Variants in LHPP observed in about 807,000 individuals in gnomAD.
LHPP encodes the protein hLHPP.
LHPP carries 24 observed loss-of-function variants against 30.3 expected under a neutral mutation model. The ratio of observed to expected loss-of-function variants is 0.79; its 90% CI spans 0.57 to 1.11. The LOEUF (loss-of-function observed/expected upper bound fraction) is 1.11. LHPP is among the 50% of genes most tolerant of loss of function. The pLI, the probability that LHPP is intolerant of heterozygous loss-of-function variation, is 0.00. For missense variants in LHPP, 356 were observed against 367.2 expected (o/e 0.97, Z 0.25); for synonymous variants, 150 against 157.1 (o/e 0.95, Z 0.34).
intron 6 of LHPP, among the ~76,000 whole-genome samples, chr10:124,547,158 C>T (rs1010686235): frequency 3.9e-5 from 6 of 152,142 alleles, no homozygotes; most frequent in African/African-American, 7.2e-5. Flanking sequence ...TCTAAGTCAC[C>T]GGCAGAAGCA....
chr10:124,500,292 G>A (rs925482380), intron 5 of LHPP, among the ~76,000 whole-genome samples: 3 of 151,836 alleles, frequency 2.0e-5, no homozygotes, highest in Non-Finnish European at 2.9e-5. Flanking sequence ...GGCCAACATG[G>A]TGAAACCCCG....
At chr10:124,520,938 G>T (rs1954595208) in intron 6 of LHPP, among the ~76,000 whole-genome samples, 1 of 152,246 alleles carries the variant, frequency 6.6e-6, no homozygotes, top group Admixed American at 6.5e-5. Flanking sequence ...TTGAAATGCT[G>T]ATATTTCGTG....
At chr10:124,568,951 C>CA (rs539801355) in intron 6 of LHPP, among the ~76,000 whole-genome samples, 3 of 152,244 alleles carry the variant, frequency 2.0e-5, no homozygotes, top group East Asian at 3.9e-4. Context: ...TTCTGTCCCC[C>CA]CCACGGCTCC....
At chr10:124,524,585 T>C (rs1199085763) in intron 6 of LHPP, among the ~76,000 whole-genome samples, 3 of 152,192 alleles carry the variant, frequency 2.0e-5, no homozygotes, top group African/African-American at 7.2e-5. Flanking sequence ...CCTTATGTCA[T>C]ACTTTCATTT....
chr10:124,489,512 C>T (rs558845320), intron 3 of LHPP, among the ~76,000 whole-genome samples: 29 of 152,188 alleles, frequency 1.9e-4, no homozygotes, highest in South Asian at 1.2e-3. Context: ...TGGAGTGCAG[C>T]GGCGTGATCT....
chr10:124,470,687 T>C (rs548956665), intron 1 of LHPP, among the ~76,000 whole-genome samples: 9 of 123,226 alleles, frequency 7.3e-5, no homozygotes, highest in African/African-American at 1.6e-4. Context: ...ACAACAATAA[T>C]AATAATGTAG....
At chr10:124,582,868 A>G (rs1564841345) in intron 6 of LHPP, among the ~76,000 whole-genome samples, 1 of 151,862 alleles carries the variant, frequency 6.6e-6, no homozygotes, top group Non-Finnish European at 1.5e-5. Flanking sequence ...AGAAGAAAAT[A>G]TATTTACTGT....
chr10:124,479,321 T>C (rs989294939), intron 1 of LHPP, among the ~76,000 whole-genome samples: 3 of 152,220 alleles, frequency 2.0e-5, no homozygotes, highest in African/African-American at 7.2e-5. Flanking sequence ...CAAGCCTTGC[T>C]GGGGTCCTGG....
chr10:124,500,734 A>G (rs1953874913), intron 5 of LHPP, among the ~76,000 whole-genome samples: 1 of 151,922 alleles, frequency 6.6e-6, no homozygotes, highest in South Asian at 2.1e-4. Flanking sequence ...TAGTTAAAAA[A>G]AAAAATAGAA....
In LHPP at chr10:124,523,422, C is replaced by G. The variant is rs1377948220; in HGVS notation, c.716+6151C>G. Among the ~76,000 whole-genome samples, 1 of 152,178 alleles carries G rather than the reference C, an allele frequency of 6.6e-6. No homozygotes were observed. Among genetic ancestry groups the G allele is most frequent in the East Asian group, 1.9e-4 (1 of 5,188 alleles). On this transcript the variant is annotated intron_variant, in intron 6 of 6. Coordinates refer to ENST00000368842, the MANE Select transcript of LHPP (RefSeq NM_022126.4). The surrounding 1 kb of genome is among the most constrained non-coding windows in gnomAD (Gnocchi z 4.2). ...TGCGTCGGGAGGGAGAGTGCCCCCA[C>G]GCCTGGCCTTTGACCTTGGAAGCGG...
At chr10:124,537,773 C>T (rs888560866) in intron 6 of LHPP, among the ~76,000 whole-genome samples, 8 of 152,246 alleles carry the variant, frequency 5.3e-5, no homozygotes, top group Admixed American at 2.6e-4. Context: ...TGATATTACC[C>T]GAGACTTCGG....
In LHPP at chr10:124,524,808, C is replaced by G. The variant is rs146274954; in HGVS notation, c.716+7537C>G. 5.7e-3 allele frequency among the ~76,000 whole-genome samples: 864 copies of G among 152,234 alleles called. 9 individuals carry two copies. The highest frequency in any genetic ancestry group is 0.019 in the African/African-American group (795 of 41,546). ...TGTGATCATACCACTGCACTTCAGC[C>G]TGGGTGACAGAGCAAGACCTTGTCT... is the stretch of plus-strand genomic sequence containing the variant. On this transcript the variant is annotated intron_variant, in intron 6 of 6. Transcript: ENST00000368842.
intron 5 of LHPP, among the ~76,000 whole-genome samples, chr10:124,515,484 C>T (rs147508122): frequency 1.3e-5 from 2 of 152,000 alleles, no homozygotes; most frequent in Non-Finnish European, 2.9e-5. Context: ...CATCTTTCTC[C>T]TCCTTCTGCA....
chr10:124,522,415 G>GC (rs951904222), intron 6 of LHPP, among the ~76,000 whole-genome samples: 6 of 152,156 alleles, frequency 3.9e-5, no homozygotes, highest in Non-Finnish European at 7.4e-5. Flanking sequence ...GGGGTCCTGT[G>GC]CCATGGGTGG....
intron 6 of LHPP, among the ~76,000 whole-genome samples, chr10:124,530,548 AC>A (rs60356522): frequency 7.4e-3 from 156 of 20,954 alleles, no homozygotes; most frequent in South Asian, 0.029. Context: ...ACACACACAC[AC>A]ATATACATAC....
chr10:124,540,380 G>A (rs143044945), intron 6 of LHPP, among the ~76,000 whole-genome samples: 1 of 152,330 alleles, frequency 6.6e-6, no homozygotes, highest in East Asian at 1.9e-4. Flanking sequence ...GCTTTGCTTC[G>A]TGGCCAGGCT....
chr10:124,477,103 T>G (rs902345584), intron 1 of LHPP, among the ~76,000 whole-genome samples: 8 of 152,186 alleles, frequency 5.3e-5, no homozygotes, highest in Admixed American at 5.2e-4. Flanking sequence ...CTCGGGAGGT[T>G]GAGGCAGGAG....
At chr10:124,477,387 C>CAG (rs1564773244) in intron 1 of LHPP, among the ~76,000 whole-genome samples, 3 of 152,156 alleles carry the variant, frequency 2.0e-5, no homozygotes, top group African/African-American at 4.8e-5. Flanking sequence ...AATAGGGACC[C>CAG]TCCAGCACAC....
chr10:124,522,356 C>T (rs948580179), intron 6 of LHPP, among the ~76,000 whole-genome samples: 1 of 152,208 alleles, frequency 6.6e-6, no homozygotes, highest in African/African-American at 2.4e-5. Flanking sequence ...CCCATCCAGC[C>T]ACAGCGTTCC....
Sources: gnomAD v4.1 joint callset for allele counts (sites outside exome capture counted in the v4.1 genomes callset) on GRCh38, gnomAD v4.1.1 for gene constraint, Gnocchi (gnomAD v3.1) non-coding constraint, MANE v1.5 for transcripts, NCBI Gene and HGNC (gene_info 2026-07-23, HGNC 2026-07-21) for gene names.